Variants in SGCZ observed in about 807,000 individuals in gnomAD.
SGCZ encodes the protein sarcoglycan zeta, also known as zeta-sarcoglycan.
SGCZ carries 40 observed loss-of-function variants against 41.3 expected under a neutral mutation model. The ratio of observed to expected loss-of-function variants is 0.97; its 90% confidence interval spans 0.75 to 1.26. SGCZ has a LOEUF of 1.26. Ranked by LOEUF, SGCZ falls within the 50% of genes most tolerant of loss-of-function variation. The probability of loss-of-function intolerance (pLI) is 0.00; values close to 1 mark genes in which losing one functional copy is unlikely to be tolerated. For synonymous variants in SGCZ, 206 were observed against 137.5 expected (o/e 1.50, Z -3.49); for missense variants, 552 against 369.8 (o/e 1.49, Z -4.04).
intron 1 of SGCZ, among the ~76,000 whole-genome samples, chr8:15,190,936 T>G (rs556975715): frequency 2.6e-5 from 4 of 152,052 alleles, no homozygotes; most frequent in African/African-American, 9.7e-5. Flanking sequence ...AATAATTAAT[T>G]TCTTTTCTCA....
chr8:14,249,457 C>A (rs1020577948), intron 3 of SGCZ, among the ~76,000 whole-genome samples: 5 of 152,030 alleles, frequency 3.3e-5, no homozygotes, highest in African/African-American at 1.2e-4. Flanking sequence ...AGAACCCAGA[C>A]TAATACAGCA....
chr8:14,161,404 T>G (rs2116976952), intron 5 of SGCZ: 1 of 152,346 alleles, frequency 6.6e-6, no homozygotes, highest in African/African-American at 2.4e-5. Flanking sequence ...TATGTGTATG[T>G]TTGTGACTCT....
intron 1 of SGCZ, among the ~76,000 whole-genome samples, chr8:14,679,277 T>A (rs1372060638): frequency 6.6e-6 from 1 of 151,728 alleles, no homozygotes; most frequent in Non-Finnish European, 1.5e-5. Flanking sequence ...TGCATACATA[T>A]TTTTTTTAAA....
At chr8:14,347,896 T>A (rs1360811080) in intron 2 of SGCZ, among the ~76,000 whole-genome samples, 3 of 152,124 alleles carry the variant, frequency 2.0e-5, no homozygotes, top group African/African-American at 7.2e-5. Context: ...AGCTTTAAAA[T>A]GGATTTTAAA....
intron 2 of SGCZ, among the ~76,000 whole-genome samples, chr8:14,333,950 GCTAGTTTTAAATA>G (rs1802423637): frequency 6.6e-6 from 1 of 152,082 alleles, no homozygotes. Flanking sequence ...TGACTTCCTA[GCTAGTTTTAAATA>G]CTGAACATGG....
At chr8:14,898,268 G>A (rs956320891) in intron 1 of SGCZ, among the ~76,000 whole-genome samples, 1 of 152,110 alleles carries the variant, frequency 6.6e-6, no homozygotes, top group Non-Finnish European at 1.5e-5. Flanking sequence ...TTTCTAAGAT[G>A]TGTTTAAAGG....
chr8:14,484,087 G>A (rs1316398394), intron 2 of SGCZ, among the ~76,000 whole-genome samples: 3 of 152,102 alleles, frequency 2.0e-5, no homozygotes, highest in African/African-American at 2.4e-5. Context: ...TATACCTGAA[G>A]TTTCTCTAAA....
chr8:14,616,110 C>T (rs59812511), intron 1 of SGCZ, among the ~76,000 whole-genome samples: 1 of 152,020 alleles, frequency 6.6e-6, no homozygotes, highest in Non-Finnish European at 1.5e-5. Flanking sequence ...AGTGAAACCT[C>T]ATCTCTACTA....
chr8:14,374,143 C>T (rs187099047), intron 2 of SGCZ, among the ~76,000 whole-genome samples: 378 of 152,162 alleles, frequency 2.5e-3, no homozygotes, highest in Middle Eastern at 6.8e-3. Context: ...TTTGGAAGGC[C>T]GAGGCAGGCC....
chr8:14,883,931 T>G (rs1804691920), intron 1 of SGCZ, among the ~76,000 whole-genome samples: 1 of 152,082 alleles, frequency 6.6e-6, no homozygotes, highest in African/African-American at 2.4e-5. Flanking sequence ...TGAAGGCAGC[T>G]GGATAGGTAT....
At chr8:14,138,861 T>A (rs1803281952) in intron 5 of SGCZ, among the ~76,000 whole-genome samples, 1 of 152,058 alleles carries the variant, frequency 6.6e-6, no homozygotes, top group African/African-American at 2.4e-5. Context: ...TCTACAGAAC[T>A]CTCCACCCCA....
intron 2 of SGCZ, among the ~76,000 whole-genome samples, chr8:14,363,810 T>C (rs1335706378): frequency 2.0e-5 from 3 of 152,192 alleles, no homozygotes; most frequent in Non-Finnish European, 4.4e-5. Context: ...TATCTAACAC[T>C]CTCATTTCAT....
chr8:14,333,526 A>C (rs1379999750), intron 2 of SGCZ, among the ~76,000 whole-genome samples: 4 of 152,136 alleles, frequency 2.6e-5, no homozygotes, highest in Admixed American at 2.6e-4. Context: ...TGGTGAAAAA[A>C]AAAAGTTACT....
chr8:14,530,767 T>TAAAGGGG (rs369387563), intron 2 of SGCZ, among the ~76,000 whole-genome samples: 15,585 of 152,162 alleles, frequency 0.1, 1,002 homozygotes, highest in Non-Finnish European at 0.15. Flanking sequence ...ACCATCCCTT[T>TAAAGGGG]AGCCCAGAAG....
intron 3 of SGCZ, chr8:14,309,547 T>G: frequency 5.6e-6 from 9 of 1,610,502 alleles, no homozygotes; most frequent in Non-Finnish European, 7.6e-6. Context: ...AAGAAGCTGT[T>G]ACACATACAG....
intron 3 of SGCZ, among the ~76,000 whole-genome samples, chr8:14,255,036 T>G (rs1799411490): frequency 6.6e-6 from 1 of 152,186 alleles, no homozygotes; most frequent in South Asian, 2.1e-4. Flanking sequence ...CCAATGGGCA[T>G]GGAGGTGGGT....
intron 4 of SGCZ, among the ~76,000 whole-genome samples, chr8:14,208,610 A>T (rs757716901): frequency 5.9e-5 from 9 of 152,214 alleles, no homozygotes; most frequent in Admixed American, 1.3e-4. Context: ...TAATAGAATC[A>T]GACATTTTTC....
intron 5 of SGCZ, among the ~76,000 whole-genome samples, chr8:14,135,649 G>T (rs1803173538): frequency 6.6e-6 from 1 of 152,150 alleles, no homozygotes; most frequent in South Asian, 2.1e-4. Flanking sequence ...TAAAGAACTT[G>T]AATTTGTAAC....
At chr8:14,985,067 A>G (rs1311275844) in intron 1 of SGCZ, among the ~76,000 whole-genome samples, 1 of 152,186 alleles carries the variant, frequency 6.6e-6, no homozygotes, top group Non-Finnish European at 1.5e-5. Flanking sequence ...TGTTTATTTG[A>G]AGGCAAGCCA....
Sources: allele counts gnomAD v4.1 joint callset (sites outside exome capture counted in the v4.1 genomes callset), GRCh38; gene constraint gnomAD v4.1.1; transcripts MANE v1.5; gene names NCBI Gene and HGNC (gene_info 2026-07-23, HGNC 2026-07-21).